The following KCNN3 variants were observed in gnomAD, a reference collection of about 807,000 sequenced individuals.
The protein encoded by KCNN3 is potassium calcium-activated channel subfamily N member 3.
In KCNN3, 16 loss-of-function variants were observed where a neutral mutation model predicts 62.9. That is an observed-to-expected ratio of 0.25 (90% CI 0.17 to 0.39). The LOEUF is 0.39. Ranked by LOEUF, KCNN3 falls within the 10% of genes least tolerant of loss-of-function variation. The probability of loss-of-function intolerance (pLI) is 1.00; values close to 1 mark genes in which losing one functional copy is unlikely to be tolerated. For missense variants in KCNN3, 599 were observed against 949.4 expected (o/e 0.63, Z 4.85); for synonymous variants, 370 against 389.2 (o/e 0.95, Z 0.58).
chr1:154,717,527 C>A (rs1241384462), intron 5 of KCNN3, among the ~76,000 whole-genome samples: 1 of 150,662 alleles, frequency 6.6e-6, no homozygotes, highest in Non-Finnish European at 1.5e-5. Flanking sequence ...TTTCCAGGAT[C>A]AAGGAACTGG....
At chr1:154,760,080 T>G (rs778007884) in intron 3 of KCNN3, among the ~76,000 whole-genome samples, 7 of 151,930 alleles carry the variant, frequency 4.6e-5, no homozygotes, top group Non-Finnish European at 8.8e-5. Context: ...TGGTGCGATC[T>G]TGGCTCACTG....
At chr1:154,743,499 C>T (rs1700872194) in intron 3 of KCNN3, among the ~76,000 whole-genome samples, 1 of 152,240 alleles carries the variant, frequency 6.6e-6, no homozygotes, top group Admixed American at 6.5e-5. Flanking sequence ...CTCCTTCACC[C>T]AGCCAGCTTT....
intron 3 of KCNN3, among the ~76,000 whole-genome samples, chr1:154,754,854 G>A (rs1647562197): frequency 6.6e-6 from 1 of 152,184 alleles, no homozygotes; most frequent in African/African-American, 2.4e-5. Flanking sequence ...ATACTAACGG[G>A]TAAAGTTCCT....
intron 3 of KCNN3, among the ~76,000 whole-genome samples, chr1:154,753,725 A>G (rs1647497893): frequency 6.6e-6 from 1 of 152,228 alleles, no homozygotes; most frequent in African/African-American, 2.4e-5. Context: ...GAAAAACAGA[A>G]GAGGATGTCC....
At chr1:154,766,451 T>C (rs1364442908) in intron 3 of KCNN3, among the ~76,000 whole-genome samples, 1 of 133,342 alleles carries the variant, frequency 7.5e-6, no homozygotes, top group Non-Finnish European at 1.6e-5. Flanking sequence ...TATGTAGAAG[T>C]TCTGATCATT....
rs957875345 is a variant in KCNN3 at position 154,700,799 on chromosome 1, T to C, written c.*7177A>G. ...GCCTGGGCGACAGAGTGAGACTCCA[T>C]CTCAAAATAATAATAATAATAATTT... On this transcript the variant is annotated 3_prime_UTR_variant, in exon 8 of 8. Coordinates refer to ENST00000271915, the MANE Select transcript of KCNN3 (RefSeq NM_002249.6). 6 of 151,956 alleles carry C rather than the reference T, an allele frequency of 3.9e-5. No homozygotes were observed. Among genetic ancestry groups the C allele is most frequent in the Non-Finnish European group, 7.4e-5 (5 of 68,008 alleles). 9.4% of individuals were successfully genotyped at this position (151,956 alleles called of 1,614,324 possible). A position where few individuals can be genotyped will look rare whatever the true frequency, so the allele number is the denominator to read the frequency against.
chr1:154,861,023 C>T lies in KCNN3; in HGVS notation c.933+8009G>A, dbSNP rs575491321. Among the ~76,000 whole-genome samples the T allele has an allele frequency of 2.1e-4, 30 of 143,444 alleles. No individual in the cohort carries two copies. In the East Asian group the frequency reaches 2.5e-3, roughly 12 times the overall value. The allele number at this position is 143,444 out of a possible 152,430, so 94.1% of individuals were successfully genotyped here. A position where few individuals can be genotyped will look rare whatever the true frequency, so the allele number is the denominator to read the frequency against. On this transcript the variant is annotated intron_variant, in intron 1 of 7. Coordinates refer to ENST00000271915, the MANE Select transcript of KCNN3 (RefSeq NM_002249.6). Reference sequence around the variant, plus strand: ...AGGCTGGAGTGCAGTGGCGCGATCTCGGCTCACTGCAACCTCCGCCTCCCG... The same window carrying T: ...AGGCTGGAGTGCAGTGGCGCGATCTTGGCTCACTGCAACCTCCGCCTCCCG...
chr1:154,827,452 C>T (rs1376566264), intron 1 of KCNN3, among the ~76,000 whole-genome samples: 1 of 152,202 alleles, frequency 6.6e-6, no homozygotes, highest in African/African-American at 2.4e-5. Context: ...TCTTACCCAT[C>T]ATCCTCAGCT....
chr1:154,795,663 C>T (rs917750095), intron 2 of KCNN3, among the ~76,000 whole-genome samples: 9 of 152,140 alleles, frequency 5.9e-5, no homozygotes, highest in South Asian at 2.1e-4. Context: ...CAGCAAGAGA[C>T]GTCTGTATGC....
chr1:154,707,748 T>G lies in KCNN3; in HGVS notation c.*228A>C. 1 of 535,638 alleles carries G rather than the reference T, an allele frequency of 1.9e-6. No homozygotes were observed. The highest frequency in any genetic ancestry group is 3.2e-6 in the Non-Finnish European group (1 of 308,470). The allele number at this position is 535,638 out of a possible 1,614,324, so 33.2% of individuals were successfully genotyped here. On this transcript the variant is annotated 3_prime_UTR_variant, in exon 8 of 8. Transcript: ENST00000271915. ...GCCCTGCCAGAGGCGTCGCTTCCTG[T>G]CATCTCCTCTTCCCGCTCCCAAGTA... is the stretch of plus-strand genomic sequence containing the variant.
At chr1:154,838,928 A>G (rs61150523) in intron 1 of KCNN3, among the ~76,000 whole-genome samples, 18,220 of 152,226 alleles carry the variant, frequency 0.12, 1,310 homozygotes, top group African/African-American at 0.19. Flanking sequence ...CAGCTTTGAC[A>G]GTACCTTGTT....
At chr1:154,714,192 T>G (rs1571203324) in intron 6 of KCNN3, among the ~76,000 whole-genome samples, 3,020 of 123,132 alleles carry the variant, frequency 0.025, no homozygotes, top group Middle Eastern at 0.036. Flanking sequence ...GGTGTGTGTG[T>G]GGTGTGTGTG....
At chr1:154,857,686 T>C (rs990259240) in intron 1 of KCNN3, among the ~76,000 whole-genome samples, 5 of 152,186 alleles carry the variant, frequency 3.3e-5, no homozygotes, top group African/African-American at 1.2e-4. Flanking sequence ...CTCCCAGCTG[T>C]GAGACCCTGA....
intron 1 of KCNN3, among the ~76,000 whole-genome samples, chr1:154,834,855 C>T (rs1651523851): frequency 6.8e-6 from 1 of 147,734 alleles, no homozygotes; most frequent in Admixed American, 6.7e-5. Context: ...TGGTAAGGAC[C>T]GCAGCACAGT....
chr1:154,726,255 A>G (rs1204353568), intron 4 of KCNN3, among the ~76,000 whole-genome samples: 2 of 152,194 alleles, frequency 1.3e-5, no homozygotes, highest in African/African-American at 4.8e-5. Flanking sequence ...TGTGCTCTGC[A>G]GCTGACCTCT....
At chr1:154,864,333 C>T (rs1344211916) in intron 1 of KCNN3, among the ~76,000 whole-genome samples, 1 of 152,268 alleles carries the variant, frequency 6.6e-6, no homozygotes, top group Non-Finnish European at 1.5e-5. Context: ...CCCAAAGCAG[C>T]ACCTGGGTCC....
intron 1 of KCNN3, among the ~76,000 whole-genome samples, chr1:154,825,752 A>G (rs1169095852): frequency 5.9e-5 from 9 of 152,004 alleles, no homozygotes; most frequent in Non-Finnish European, 1.2e-4. Context: ...GCAGTGATGG[A>G]ACACTACGCA....
chr1:154,859,566 C>T, intron 1 of KCNN3: 1 of 901,938 alleles, frequency 1.1e-6, no homozygotes, highest in Non-Finnish European at 1.9e-6. Flanking sequence ...CAGCCTCTCC[C>T]TGCCTCCCTG....
chr1:154,842,158 T>TC (rs1356704312), intron 1 of KCNN3, among the ~76,000 whole-genome samples: 1 of 152,130 alleles, frequency 6.6e-6, no homozygotes, highest in Non-Finnish European at 1.5e-5. Flanking sequence ...GGGCCTCAGA[T>TC]CCCCTCTTTG....
Sources: gnomAD v4.1 joint callset for allele counts (sites outside exome capture counted in the v4.1 genomes callset) on GRCh38, gnomAD v4.1.1 for gene constraint, MANE v1.5 for transcripts, NCBI Gene and HGNC (gene_info 2026-07-23, HGNC 2026-07-21) for gene names.